The following SCARA3 variants were observed in gnomAD, a reference collection of about 807,000 sequenced individuals.
The protein encoded by SCARA3 is scavenger receptor class A member 3.
Under a neutral mutation model 47.0 loss-of-function variants are expected in SCARA3, and 39 were observed. That is an observed-to-expected ratio of 0.83 (90% CI 0.64 to 1.08). The LOEUF (loss-of-function observed/expected upper bound fraction) is 1.08. Ranked by LOEUF, SCARA3 falls within the 50% of genes least tolerant of loss-of-function variation. The pLI is 0.00. For missense variants in SCARA3, 724 were observed against 792.3 expected, an observed-to-expected ratio of 0.91 and a Z score of 1.04; for synonymous variants, 356 against 334.1, an observed-to-expected ratio of 1.07 and a Z score of -0.71.
At chr8:27,669,682 T>G (rs957421345) in intron 5 of SCARA3, among the ~76,000 whole-genome samples, 2 of 152,220 alleles carry the variant, frequency 1.3e-5, no homozygotes, top group Admixed American at 1.3e-4. Context: ...GGGCAGGTGG[T>G]GGCAGGGAAC....
At chr8:27,700,084 A>G in the SCARA3 span, among the ~76,000 whole-genome samples, 5 of 152,318 alleles carry the variant, frequency 3.3e-5, no homozygotes, top group South Asian at 1.0e-3. Flanking sequence ...TAAAAAATAC[A>G]TAAGATAATT....
downstream of SCARA3, among the ~76,000 whole-genome samples, chr8:27,677,135 A>G (rs536066982): frequency 6.6e-6 from 1 of 152,252 alleles, no homozygotes; most frequent in East Asian, 1.9e-4. Context: ...TCATTCAACA[A>G]ATAGTTCTTG....
intron 3 of SCARA3, among the ~76,000 whole-genome samples, chr8:27,652,169 A>T (rs1040868350): frequency 3.3e-5 from 5 of 152,214 alleles, no homozygotes; most frequent in African/African-American, 1.2e-4. Flanking sequence ...AGACCTGCTG[A>T]GACCAAGGAA....
Position 27,659,376 on chromosome 8 carries a change from T to G in SCARA3, c.1206T>G (p.Ser402=). The change falls in exon 5 of 6, where the codon TCT becomes TCG. Residue 402 remains serine (S), a synonymous_variant. Coordinates refer to ENST00000301904, the MANE Select transcript of SCARA3 (RefSeq NM_016240.3). ...AGGAGCTCTACTACCTGAACAAGTCTGTCTCCATCATGCTGGGCACCACAG... is the reference window on the plus strand; with the variant it reads ...AGGAGCTCTACTACCTGAACAAGTCGGTCTCCATCATGCTGGGCACCACAG... ...HAEELYYLNK[S]VSIMLGTTDL... is the part of the protein sequence containing the mutation. 1 of 1,614,104 alleles carries G rather than the reference T, an allele frequency of 6.2e-7. No individual in the cohort carries two copies. Among genetic ancestry groups the G allele is most frequent in the Non-Finnish European group, 8.5e-7 (1 of 1,179,988 alleles).
At chr8:27,674,874 G>A (rs537302300), downstream of SCARA3, among the ~76,000 whole-genome samples, 230 of 151,922 alleles carry the variant, frequency 1.5e-3, 1 homozygote, top group African/African-American at 5.3e-3. Context: ...GACTACAGGC[G>A]TGCACCACCA....
chr8:27,645,882 C>G (rs1360992668), intron 1 of SCARA3, among the ~76,000 whole-genome samples: 2 of 152,228 alleles, frequency 1.3e-5, no homozygotes, highest in Admixed American at 1.3e-4. Context: ...AGGGCTTTTT[C>G]ATTCTTGGTG....
chr8:27,670,555 G>A (rs1227901034), intron 5 of SCARA3, among the ~76,000 whole-genome samples: 2 of 152,160 alleles, frequency 1.3e-5, no homozygotes, highest in Admixed American at 6.5e-5. Flanking sequence ...GGGTGGGGTG[G>A]GGGTGAATAC....
the SCARA3 span, among the ~76,000 whole-genome samples, chr8:27,722,532 C>T: frequency 3.9e-5 from 6 of 152,336 alleles, no homozygotes; most frequent in African/African-American, 1.4e-4. Context: ...GTATCCACAA[C>T]ATGTCTTCTC....
the SCARA3 span, among the ~76,000 whole-genome samples, chr8:27,717,533 C>T: frequency 6.6e-6 from 1 of 152,110 alleles, no homozygotes; most frequent in Non-Finnish European, 1.5e-5. Flanking sequence ...ACCTGTAATC[C>T]CAGCACTTTG....
the SCARA3 span, among the ~76,000 whole-genome samples, chr8:27,718,198 G>A: frequency 1.3e-5 from 2 of 152,176 alleles, no homozygotes; most frequent in Non-Finnish European, 1.5e-5. Context: ...AAACTCCCTG[G>A]CCCAGGCCAG....
intron 1 of SCARA3, among the ~76,000 whole-genome samples, chr8:27,646,804 T>G (rs1396463049): frequency 6.6e-6 from 1 of 152,186 alleles, no homozygotes; most frequent in Non-Finnish European, 1.5e-5. Context: ...TCCTGGTGAC[T>G]GCCCAGGCCA....
chr8:27,656,460 A>C (rs527375437), intron 3 of SCARA3, among the ~76,000 whole-genome samples: 7 of 152,330 alleles, frequency 4.6e-5, no homozygotes, highest in Non-Finnish European at 1.0e-4. Flanking sequence ...ATCCATGAAG[A>C]CACTGATGGC....
intron 5 of SCARA3, among the ~76,000 whole-genome samples, chr8:27,668,464 C>T (rs973377224): frequency 2.7e-5 from 4 of 146,992 alleles, no homozygotes; most frequent in South Asian, 2.2e-4. Flanking sequence ...GGCGTGAACC[C>T]GGGAAGCGGA....
intron 5 of SCARA3, among the ~76,000 whole-genome samples, chr8:27,666,984 G>A (rs1047943327): frequency 4.6e-5 from 7 of 152,252 alleles, no homozygotes; most frequent in African/African-American, 1.2e-4. Context: ...AGGGTGTGCC[G>A]GTCCCTCTCC....
intron 3 of SCARA3, among the ~76,000 whole-genome samples, chr8:27,654,601 T>TAA (rs11453615): frequency 7.4e-5 from 11 of 149,358 alleles, no homozygotes; most frequent in East Asian, 3.9e-4. Flanking sequence ...TCATTTCAAT[T>TAA]AAAAAAAAAA....
intron 3 of SCARA3, among the ~76,000 whole-genome samples, chr8:27,652,901 T>C (rs1422520275): frequency 6.6e-6 from 1 of 152,172 alleles, no homozygotes; most frequent in Non-Finnish European, 1.5e-5. Context: ...GCCTTAGTCA[T>C]TTGTAAATCC....
intron 2 of SCARA3, among the ~76,000 whole-genome samples, chr8:27,651,173 G>T (rs949967974): frequency 7.9e-5 from 12 of 152,256 alleles, no homozygotes; most frequent in African/African-American, 2.9e-4. Flanking sequence ...GGGGCCTCAG[G>T]CTGGCTGCTC....
chr8:27,677,697 A>G (rs1245230010), downstream of SCARA3, among the ~76,000 whole-genome samples: 3 of 152,208 alleles, frequency 2.0e-5, no homozygotes, highest in East Asian at 5.8e-4. Flanking sequence ...CTGTGGGCCA[A>G]TTTGACCTAA....
intron 1 of SCARA3, among the ~76,000 whole-genome samples, chr8:27,640,476 C>T (rs1801359050): frequency 6.6e-6 from 1 of 152,070 alleles, no homozygotes; most frequent in Non-Finnish European, 1.5e-5. Flanking sequence ...GCCTTGACCT[C>T]CTGGGCTCAA....
Sources: allele counts gnomAD v4.1 joint callset (sites outside exome capture counted in the v4.1 genomes callset), GRCh38; gene constraint gnomAD v4.1.1; transcripts MANE v1.5; gene names NCBI Gene and HGNC (gene_info 2026-07-23, HGNC 2026-07-21).